Variants in EFR3A observed in about 807,000 individuals in gnomAD.
The protein encoded by EFR3A is EFR3 homolog A.
Under a neutral mutation model 104.4 loss-of-function variants are expected in EFR3A, and 76 were observed. The ratio of observed to expected loss-of-function variants is 0.73; its 90% CI spans 0.60 to 0.88. EFR3A has a LOEUF of 0.88. Among genes scored for constraint, EFR3A ranks in the 40% least tolerant of loss-of-function variants. The pLI is 0.00. For synonymous variants in EFR3A, 330 were observed against 330.0 expected (o/e 1.00, Z 0.00); for missense variants, 985 against 1,012.5 (o/e 0.97, Z 0.37).
Position 131,970,460 on chromosome 8 carries a change from A to C in EFR3A, c.992-16A>C, listed in dbSNP as rs1052581109. ...ACTAGAAACATGTATCTTCTCACAT[A>C]AGTGATCCTTTATAGGTCCGACAGT... On this transcript the variant is annotated splice_polypyrimidine_tract_variant and intron_variant, in intron 9 of 22. Coordinates refer to ENST00000254624, the MANE Select transcript of EFR3A (RefSeq NM_015137.6). The C allele has an allele frequency of 1.2e-6, 2 of 1,610,864 alleles. No individual in the cohort carries two copies. Among genetic ancestry groups the C allele is most frequent in the Admixed American group, 3.4e-5 (2 of 59,590 alleles).
intron 19 of EFR3A, 58 bp from the exon 20 acceptor site, chr8:132,001,701 A>G: frequency 7.0e-7 from 1 of 1,425,260 alleles, no homozygotes; most frequent in Non-Finnish European, 9.9e-7. Context: ...AACTAGGTAA[A>G]GGTGTTATTT....
intron 18 of EFR3A, among the ~76,000 whole-genome samples, chr8:131,990,046 A>G (rs1163345902): frequency 1.3e-5 from 2 of 152,184 alleles, no homozygotes; most frequent in African/African-American, 4.8e-5. Flanking sequence ...CAGTCAACTC[A>G]TACAGTTATT....
intron 1 of EFR3A, among the ~76,000 whole-genome samples, chr8:131,912,893 C>T (rs1225354148): frequency 6.6e-6 from 1 of 151,696 alleles, no homozygotes; most frequent in African/African-American, 2.4e-5. Flanking sequence ...TGATTGCTAT[C>T]ATGTAAAAAT....
chr8:131,944,664 G>A (rs577996685), intron 2 of EFR3A, 81 bp from the exon 3 acceptor site: 1 of 1,370,310 alleles, frequency 7.3e-7, no homozygotes, highest in Non-Finnish European at 9.8e-7. Context: ...TCCAGAAAGG[G>A]AAATTGTAAA....
intron 1 of EFR3A, chr8:131,924,186 C>A (rs1192658161): frequency 5.3e-6 from 2 of 378,876 alleles, no homozygotes; most frequent in Non-Finnish European, 1.1e-5. Context: ...CATTTTATGC[C>A]AAAGGAATTA....
intron 9 of EFR3A, among the ~76,000 whole-genome samples, chr8:131,968,993 G>T (rs76798669): frequency 0.02 from 3,111 of 152,200 alleles, 46 homozygotes; most frequent in South Asian, 0.042. Context: ...CATGAGAAAT[G>T]TGCTATAGGA....
At chr8:131,960,941 A>C (rs1375598818) in intron 8 of EFR3A, among the ~76,000 whole-genome samples, 1 of 152,166 alleles carries the variant, frequency 6.6e-6, no homozygotes, top group African/African-American at 2.4e-5. Flanking sequence ...GCTGATACCC[A>C]GGCAAACAGG....
chr8:131,974,121 G>A (rs1007300484), intron 10 of EFR3A, among the ~76,000 whole-genome samples: 1 of 152,142 alleles, frequency 6.6e-6, no homozygotes, highest in Non-Finnish European at 1.5e-5. Flanking sequence ...GAAAAGTACT[G>A]ATGCTTGGAC....
intron 1 of EFR3A, among the ~76,000 whole-genome samples, chr8:131,910,632 C>T (rs1472200257): frequency 1.3e-5 from 2 of 152,206 alleles, no homozygotes; most frequent in African/African-American, 4.8e-5. Flanking sequence ...ACTTTCCCAC[C>T]CACACACACC....
rs754327357 is a variant in EFR3A, at chr8:131,978,807, C to T, written c.1327-40C>T. ...ATATGAGAATTTTACAAAAAAAGGA[C>T]TCATGACAAAAGGTTGTTTGTTTTC... is the stretch of plus-strand genomic sequence containing the variant. On this transcript the variant is annotated intron_variant, in intron 12 of 22. Transcript: ENST00000254624. 5 of 1,398,856 alleles carry T rather than the reference C, an allele frequency of 3.6e-6. No individual in the cohort carries two copies. The East Asian group carries it at 1.0e-4, about 29-fold the overall frequency. 86.7% of individuals were successfully genotyped at this position (1,398,856 alleles called of 1,614,324 possible).
intron 1 of EFR3A, among the ~76,000 whole-genome samples, chr8:131,928,548 A>T (rs1412369439): frequency 6.6e-6 from 1 of 152,136 alleles, no homozygotes; most frequent in East Asian, 1.9e-4. Flanking sequence ...GAAATTTCTT[A>T]TTACCTAAAT....
chr8:131,923,289 A>G (rs1817139557), intron 1 of EFR3A, among the ~76,000 whole-genome samples: 1 of 152,138 alleles, frequency 6.6e-6, no homozygotes, highest in South Asian at 2.1e-4. Flanking sequence ...TTGATCATGT[A>G]TACTTTTTAA....
intron 4 of EFR3A, among the ~76,000 whole-genome samples, chr8:131,947,853 A>G (rs1428977257): frequency 6.6e-6 from 1 of 152,100 alleles, no homozygotes; most frequent in Non-Finnish European, 1.5e-5. Context: ...AATTTACCAT[A>G]AAAGTTAAGG....
At chr8:131,911,161 A>G (rs1427677079) in intron 1 of EFR3A, among the ~76,000 whole-genome samples, 1 of 152,210 alleles carries the variant, frequency 6.6e-6, no homozygotes, top group Non-Finnish European at 1.5e-5. Context: ...GTAAATCACC[A>G]CAGTGGCAGT....
intron 1 of EFR3A, among the ~76,000 whole-genome samples, chr8:131,913,822 A>T (rs1168055147): frequency 6.6e-6 from 1 of 152,210 alleles, no homozygotes; most frequent in Non-Finnish European, 1.5e-5. Flanking sequence ...AAGGTGTCCA[A>T]GGTTGGCGTT....
intron 5 of EFR3A, 56 bp downstream of exon 5, chr8:131,950,146 G>T (rs1818628939): frequency 6.8e-7 from 1 of 1,480,212 alleles, no homozygotes; most frequent in Non-Finnish European, 9.2e-7. Flanking sequence ...TTAATATTGT[G>T]TTCATATGTT....
At chr8:131,915,952 C>T (rs1816724095) in intron 1 of EFR3A, among the ~76,000 whole-genome samples, 1 of 152,124 alleles carries the variant, frequency 6.6e-6, no homozygotes, top group Admixed American at 6.5e-5. Flanking sequence ...GACATATGGA[C>T]ACCAACAGGG....
intron 4 of EFR3A, among the ~76,000 whole-genome samples, chr8:131,949,319 A>C (rs1818587479): frequency 6.6e-6 from 1 of 152,126 alleles, no homozygotes; most frequent in African/African-American, 2.4e-5. Context: ...ATTACAGCTA[A>C]ATAACTTGTC....
intron 3 of EFR3A, among the ~76,000 whole-genome samples, chr8:131,945,855 T>C (rs1818409759): frequency 6.6e-6 from 1 of 152,054 alleles, no homozygotes; most frequent in Non-Finnish European, 1.5e-5. Flanking sequence ...CACCCTACTG[T>C]GCTGTTGAAC....
Sources: allele counts gnomAD v4.1 joint callset (sites outside exome capture counted in the v4.1 genomes callset), GRCh38; gene constraint gnomAD v4.1.1; transcripts MANE v1.5; gene names NCBI Gene and HGNC (gene_info 2026-07-23, HGNC 2026-07-21).